Variants in DOCK7 observed in about 807,000 individuals in gnomAD.
DOCK7 encodes dedicator of cytokinesis protein 7.
Under a neutral mutation model 271.0 loss-of-function variants are expected in DOCK7, and 138 were observed. That is an observed-to-expected ratio of 0.51 (90% CI 0.44 to 0.59). DOCK7 has a LOEUF of 0.59. Among genes scored for constraint, DOCK7 ranks in the 20% least tolerant of loss-of-function variants. The pLI is 0.00. For missense variants in DOCK7, 2,066 were observed against 2,592.4 expected (o/e 0.80, Z 4.41); for synonymous variants, 823 against 876.1 (o/e 0.94, Z 1.07).
At chr1:62,562,927 G>A (rs1220273343) in intron 18 of DOCK7, among the ~76,000 whole-genome samples, 1 of 152,112 alleles carries the variant, frequency 6.6e-6, no homozygotes, top group Non-Finnish European at 1.5e-5. Context: ...GGAGAGCCTA[G>A]GCAGCCACCC....
rs745615004 is a variant in DOCK7 at position 62,597,845 on chromosome 1, A to G, written c.1683-11221T>C. ...TATCGCTGCAAACCAGTGAAATCAA[A>G]GAAGAAGAAAAGGAACTGAGAAGAA... On this transcript the variant is annotated intron_variant, in intron 14 of 49. Transcript: ENST00000635253. 1.2e-6 allele frequency: 2 copies of G among 1,604,768 alleles called. No individual in the cohort carries two copies. The highest frequency in any genetic ancestry group is 2.3e-5 in the South Asian group (2 of 88,836).
chr1:62,627,138 A>G (rs1418357412), intron 11 of DOCK7, among the ~76,000 whole-genome samples: 1 of 152,212 alleles, frequency 6.6e-6, no homozygotes, highest in Non-Finnish European at 1.5e-5. Flanking sequence ...TACAGGACAA[A>G]TAATTCTAAT....
At chr1:62,459,584 GATTA>G (rs1345362392) in intron 48 of DOCK7, among the ~76,000 whole-genome samples, 1 of 152,016 alleles carries the variant, frequency 6.6e-6, no homozygotes, top group African/African-American at 2.4e-5. Flanking sequence ...GATATTAATA[GATTA>G]ATGTAGATTT....
intron 11 of DOCK7, chr1:62,629,753 A>G (rs942729515): frequency 2.6e-5 from 4 of 152,228 alleles, no homozygotes; most frequent in Non-Finnish European, 5.9e-5. Context: ...TGTGACTTTA[A>G]GCAACACGTT....
chr1:62,666,267 A>G (rs1279623770), intron 1 of DOCK7, among the ~76,000 whole-genome samples: 1 of 152,230 alleles, frequency 6.6e-6, no homozygotes, highest in Non-Finnish European at 1.5e-5. Context: ...CCACCATACC[A>G]TCAGTTAATT....
intron 43 of DOCK7, chr1:62,478,080 C>T (rs750515360): frequency 2.8e-6 from 1 of 354,784 alleles, no homozygotes; most frequent in Non-Finnish European, 5.0e-6. Context: ...GGAGTTTGTA[C>T]GAAGTGCCTC....
At chr1:62,655,048 T>A (rs1657829025) in intron 2 of DOCK7, among the ~76,000 whole-genome samples, 1 of 152,190 alleles carries the variant, frequency 6.6e-6, no homozygotes, top group Non-Finnish European at 1.5e-5. Context: ...GAGAATAAAT[T>A]TCTTTTGTTT....
intron 31 of DOCK7, among the ~76,000 whole-genome samples, chr1:62,518,325 AC>A (rs1321557923): frequency 1.3e-5 from 2 of 152,024 alleles, no homozygotes; most frequent in African/African-American, 4.8e-5. Flanking sequence ...TAATCCCAGC[AC>A]TTTGGGAGGT....
intron 1 of DOCK7, among the ~76,000 whole-genome samples, chr1:62,685,667 G>A (rs1402887855): frequency 6.6e-6 from 1 of 152,068 alleles, no homozygotes; most frequent in East Asian, 1.9e-4. Flanking sequence ...TGATTCATGA[G>A]CCCCTCAAAA....
Position 62,687,562 on chromosome 1 carries a change from T to C in DOCK7, c.38+665A>G, listed in dbSNP as rs538985801. ...GCTTCAGCCTGCAATCCGTCAGGGA[T>C]TCGGCAGCTGCACACCGAAGGTGCA... is the stretch of plus-strand genomic sequence containing the variant. On this transcript the variant is annotated intron_variant, in intron 1 of 49. Transcript: ENST00000635253. The C allele has an allele frequency of 2.0e-5, 3 of 152,396 alleles. 1 individual carries two copies. The East Asian group carries it at 5.8e-4, about 29-fold the overall frequency. The allele number at this position is 152,396 out of a possible 1,614,324, so 9.4% of individuals were successfully genotyped here.
In DOCK7 at chr1:62,593,884, A is replaced by G. The variant is rs1275437857; in HGVS notation, c.1683-7260T>C. On this transcript the variant is annotated intron_variant, in intron 14 of 49. Transcript: ENST00000635253. The stretch of plus-strand genomic sequence containing the variant: ...GTAGTTAAAAAGGAAAAAATTAGAG[A>G]TACTATGTAAAAAAGAGCCAAAATA... Among the ~76,000 whole-genome samples the G allele has an allele frequency of 5.3e-5, 8 of 152,168 alleles. 1 individual carries two copies. Among genetic ancestry groups the G allele is most frequent in the Non-Finnish European group, 1.2e-4 (8 of 68,024 alleles).
At position 62,641,707 on chromosome 1, in the gene DOCK7, C is replaced by T. The variant is rs572901665; in HGVS notation, c.819-5104G>A. ...ATGGCCTCAGCCTCATGCACCAGGG[C>T]CTTCCCCCTCCCAACTTTGGCAGCC... is the stretch of plus-strand genomic sequence containing the variant. On this transcript the variant is annotated intron_variant, in intron 7 of 49. Transcript: ENST00000635253. 9.2e-6 allele frequency: 3 copies of T among 326,406 alleles called. No individual in the cohort carries two copies. In the East Asian group the frequency reaches 2.4e-4, roughly 26 times the overall value. The allele number at this position is 326,406 out of a possible 1,614,324, so 20.2% of individuals were successfully genotyped here. A position where few individuals can be genotyped will look rare whatever the true frequency, so the allele number is the denominator to read the frequency against.
chr1:62,642,752 T>C (rs2149664168), intron 7 of DOCK7, among the ~76,000 whole-genome samples: 1 of 152,324 alleles, frequency 6.6e-6, no homozygotes, highest in South Asian at 2.1e-4. Flanking sequence ...TTCATCATTC[T>C]TCTACCTAAA....
intron 33 of DOCK7, 102 bp from the exon 34 acceptor site, chr1:62,510,775 C>A (rs907614485): frequency 1.1e-4 from 97 of 874,370 alleles, no homozygotes; most frequent in Admixed American, 3.6e-4. Context: ...ATAATTTGTA[C>A]AAGCCATTTT....
chr1:62,495,013 A>G (rs1401604083), intron 39 of DOCK7: 1 of 152,396 alleles, frequency 6.6e-6, no homozygotes, highest in African/African-American at 2.4e-5. Context: ...TTCTTCAGTC[A>G]TAACTGTATT....
intron 43 of DOCK7, chr1:62,479,780 C>A: frequency 3.0e-6 from 1 of 332,330 alleles, no homozygotes; most frequent in South Asian, 2.4e-5. Flanking sequence ...GTCTCCTGGG[C>A]TCAAGCGATC....
chr1:62,590,733 G>GA (rs1648312589), intron 14 of DOCK7, among the ~76,000 whole-genome samples: 1 of 152,078 alleles, frequency 6.6e-6, no homozygotes, highest in Non-Finnish European at 1.5e-5. Flanking sequence ...ACAAGCATAT[G>GA]AAAAAAACCT....
intron 48 of DOCK7, among the ~76,000 whole-genome samples, chr1:62,467,314 A>G (rs923857679): frequency 1.3e-5 from 2 of 152,232 alleles, no homozygotes; most frequent in Non-Finnish European, 2.9e-5. Flanking sequence ...GTTTCAAGAT[A>G]TGGATCTTGG....
intron 4 of DOCK7, among the ~76,000 whole-genome samples, chr1:62,649,458 T>C (rs1657071750): frequency 6.6e-6 from 1 of 152,182 alleles, no homozygotes; most frequent in East Asian, 1.9e-4. Context: ...ACACTCAATA[T>C]AGTAACATGA....
Sources: gnomAD v4.1 joint callset for allele counts (sites outside exome capture counted in the v4.1 genomes callset) on GRCh38, gnomAD v4.1.1 for gene constraint, MANE v1.5 for transcripts, NCBI Gene and HGNC (gene_info 2026-07-23, HGNC 2026-07-21) for gene names.